The following TPO variants were observed in gnomAD, a reference collection of about 807,000 sequenced individuals.
TPO encodes thyroid peroxidase.
TPO carries 78 observed loss-of-function variants against 96.9 expected under a neutral mutation model. The ratio of observed to expected loss-of-function variants is 0.81; its 90% CI spans 0.67 to 0.97. The LOEUF is 0.97. Ranked by LOEUF, TPO falls within the 50% of genes least tolerant of loss-of-function variation. TPO has a pLI of 0.00. For synonymous variants in TPO, 547 were observed against 538.0 expected, an observed-to-expected ratio of 1.02 and a Z score of -0.23; for missense variants, 1,252 against 1,274.8, an observed-to-expected ratio of 0.98 and a Z score of 0.27.
In TPO at chr2:1,477,608, C is replaced by A; in HGVS notation, c.1338+4C>A. The A allele has an allele frequency of 6.6e-7, 1 of 1,516,378 alleles. No homozygotes were observed. 93.9% of individuals were successfully genotyped at this position (1,516,378 alleles called of 1,614,324 possible). A position where few individuals can be genotyped will look rare whatever the true frequency, so the allele number is the denominator to read the frequency against. On this transcript the variant is annotated splice_donor_region_variant and intron_variant, in intron 8 of 16. Coordinates refer to ENST00000329066, the MANE Select transcript of TPO (RefSeq NM_001206744.2). ...GGTCGTGGGCGCTCTGCACCAGGTG[C>A]GCGGGGTGGTCCTGGGCGCCCTGGG... is the stretch of plus-strand genomic sequence containing the variant.
At position 1,542,669 on chromosome 2, in the gene TPO, T is replaced by C; in HGVS notation, c.*195T>C. 6.7e-7 allele frequency: 1 copy of C among 1,494,450 alleles called. No homozygotes were observed. Among genetic ancestry groups the C allele is most frequent in the Non-Finnish European group, 9.1e-7 (1 of 1,102,658 alleles). 92.6% of individuals were successfully genotyped at this position (1,494,450 alleles called of 1,614,324 possible). A position where few individuals can be genotyped will look rare whatever the true frequency, so the allele number is the denominator to read the frequency against. On this transcript the variant is annotated 3_prime_UTR_variant, in exon 17 of 17. Coordinates refer to ENST00000329066, the MANE Select transcript of TPO (RefSeq NM_001206744.2). Reference sequence around the variant, plus strand: ...GCTGCATTTGTCTGGCCTTTTCTTGTAAACATTGCCTGATTTGTTCCTTCT... The same window carrying C: ...GCTGCATTTGTCTGGCCTTTTCTTGCAAACATTGCCTGATTTGTTCCTTCT...
Position 1,487,905 on chromosome 2 carries a change from C to T in TPO, c.1682C>T (p.Thr561Met), listed in dbSNP as rs200475577. The change falls in exon 10 of 17, where the codon ACG (threonine) becomes ATG (methionine). Residue 561 changes from threonine (T) to methionine (M), a missense_variant. By Grantham distance (81) the Thr-to-Met change is moderately conservative (BLOSUM62 -1). Transcript: ENST00000329066. ...VQDQLMNEEL[T>M]ERLFVLSNSS... ...GATCAGCTGATGAACGAGGAGCTGA[C>T]GGAAAGGCTCTTTGTGCTGTCCAAT... 1.5e-5 allele frequency: 24 copies of T among 1,614,194 alleles called. No homozygotes were observed. The highest frequency in any genetic ancestry group is 5.0e-5 in the Admixed American group (3 of 60,026).
chr2:1,463,414 T>C (rs966440097), intron 7 of TPO, among the ~76,000 whole-genome samples: 11 of 152,192 alleles, frequency 7.2e-5, no homozygotes. Flanking sequence ...TCCAGTTTGG[T>C]CTCTGAGTAT....
chr2:1,490,446 C>G (rs1671665997), intron 10 of TPO, among the ~76,000 whole-genome samples: 1 of 144,404 alleles, frequency 6.9e-6, no homozygotes, highest in African/African-American at 2.6e-5. Flanking sequence ...AGTCACGACA[C>G]AGCAGTGTAA....
At chr2:1,497,263 GAGC>G (rs1672452388) in intron 13 of TPO, among the ~76,000 whole-genome samples, 1 of 152,240 alleles carries the variant, frequency 6.6e-6, no homozygotes, top group African/African-American at 2.4e-5. Flanking sequence ...GGTAATTTGA[GAGC>G]AGGATGGGGA....
intron 1 of TPO, among the ~76,000 whole-genome samples, chr2:1,374,797 G>C (rs10209135): frequency 1.3e-5 from 2 of 149,630 alleles, no homozygotes; most frequent in South Asian, 4.2e-4. Flanking sequence ...GCTCGATCTC[G>C]GCCCACTGTA....
intron 15 of TPO, among the ~76,000 whole-genome samples, chr2:1,519,133 G>C (rs1674993501): frequency 6.6e-6 from 1 of 152,210 alleles, no homozygotes; most frequent in African/African-American, 2.4e-5. Context: ...GCCGCCTGCA[G>C]GCACCTTGAT....
chr2:1,510,231 C>A lies in TPO; in HGVS notation c.2518+6152C>A, dbSNP rs72776240. Among the ~76,000 whole-genome samples the A allele has an allele frequency of 3.0e-3, 455 of 150,936 alleles. 2 individuals are homozygous for A. The highest frequency in any genetic ancestry group is 4.9e-3 in the Non-Finnish European group (333 of 67,860). ...TTGCAAAGGTAGCCAGGTAGCGAAG[C>A]TGCCACATTCACAGAGAGGAGCTCA... On this transcript the variant is annotated intron_variant, in intron 14 of 16. Transcript: ENST00000329066.
At chr2:1,433,383 T>C in intron 3 of TPO, 55 bp from the exon 4 acceptor site, 2 of 1,598,038 alleles carry the variant, frequency 1.3e-6, no homozygotes, top group Non-Finnish European at 8.6e-7. Context: ...AGTAATTAAG[T>C]ACCAAAGATA....
At chr2:1,398,485 C>T (rs1289929369) in intron 1 of TPO, among the ~76,000 whole-genome samples, 1 of 152,218 alleles carries the variant, frequency 6.6e-6, no homozygotes, top group Non-Finnish European at 1.5e-5. Context: ...GCAAAGACCA[C>T]TCCATGGGTT....
chr2:1,538,325 C>T (rs552830128), intron 15 of TPO, among the ~76,000 whole-genome samples: 5 of 152,228 alleles, frequency 3.3e-5, no homozygotes, highest in African/African-American at 9.6e-5. Context: ...TTCAGAGGCA[C>T]GGGCATACCC....
intron 15 of TPO, among the ~76,000 whole-genome samples, chr2:1,538,466 C>T (rs1680334154): frequency 6.6e-6 from 1 of 152,040 alleles, no homozygotes; most frequent in Non-Finnish European, 1.5e-5. Context: ...AATTCAGAAC[C>T]TCAATGAATA....
chr2:1,464,392 C>A (rs1284526702), intron 7 of TPO, among the ~76,000 whole-genome samples: 2 of 152,192 alleles, frequency 1.3e-5, no homozygotes, highest in African/African-American at 2.4e-5. Context: ...ATAATGACTT[C>A]TTTTCCTCTG....
chr2:1,446,235 A>C (rs971589795), intron 5 of TPO, among the ~76,000 whole-genome samples: 3 of 152,136 alleles, frequency 2.0e-5, no homozygotes, highest in African/African-American at 7.2e-5. Flanking sequence ...CACCATAGTT[A>C]GTTTTCCCTG....
At chr2:1,438,556 G>T (rs1179721326) in intron 5 of TPO, among the ~76,000 whole-genome samples, 1 of 152,004 alleles carries the variant, frequency 6.6e-6, no homozygotes, top group East Asian at 2.0e-4. Flanking sequence ...TACGGAGGTC[G>T]ACCCAGGGGC....
At chr2:1,472,257 C>A (rs1669494190) in intron 7 of TPO, among the ~76,000 whole-genome samples, 1 of 152,044 alleles carries the variant, frequency 6.6e-6, no homozygotes, top group East Asian at 1.9e-4. Context: ...GATCTGAGTG[C>A]TCATGGTGTG....
At chr2:1,431,722 C>T (rs1664995638) in intron 3 of TPO, among the ~76,000 whole-genome samples, 1 of 152,108 alleles carries the variant, frequency 6.6e-6, no homozygotes, top group Non-Finnish European at 1.5e-5. Context: ...TAGCACAGCA[C>T]CTAAAACTTT....
upstream of TPO, among the ~76,000 whole-genome samples, chr2:1,408,716 C>G (rs1004317802): frequency 3.3e-5 from 5 of 152,136 alleles, no homozygotes; most frequent in African/African-American, 4.8e-5. Context: ...AACATAAAAA[C>G]TTTTGATGTT....
intron 7 of TPO, among the ~76,000 whole-genome samples, chr2:1,467,437 T>C (rs1449848545): frequency 1.3e-5 from 2 of 152,194 alleles, no homozygotes; most frequent in African/African-American, 4.8e-5. Context: ...CTTGATTTCA[T>C]TTTTAACCCA....
Sources: gnomAD v4.1 joint callset for allele counts (sites outside exome capture counted in the v4.1 genomes callset) on GRCh38, gnomAD v4.1.1 for gene constraint, MANE v1.5 for transcripts, NCBI Gene and HGNC (gene_info 2026-07-23, HGNC 2026-07-21) for gene names.